The following SYNE1 variants were observed in gnomAD, a reference collection of about 807,000 sequenced individuals.
SYNE1 encodes nesprin-1.
A neutral mutation model predicts 1,111.0 loss-of-function variants in SYNE1; 616 were observed. That is an observed-to-expected ratio of 0.55 (90% confidence interval 0.52 to 0.59). SYNE1 has a LOEUF of 0.59. Among genes scored for constraint, SYNE1 ranks in the 20% least tolerant of loss-of-function variants. The pLI, the probability that SYNE1 is intolerant of heterozygous loss-of-function variation, is 0.00. For synonymous variants in SYNE1, 3,855 were observed against 3,825.8 expected (o/e 1.01, Z -0.28); for missense variants, 10,006 against 10,417.0 (o/e 0.96, Z 1.72).
At position 152,453,343 on chromosome 6, in the gene SYNE1, G is replaced by C. The variant is rs117505149; in HGVS notation, c.3027+243C>G. 4.4e-3 allele frequency: 2,737 copies of C among 627,480 alleles called. 11 individuals are homozygous for C. The highest frequency in any genetic ancestry group is 6.5e-3 in the Non-Finnish European group (2,375 of 363,572). 38.9% of individuals were successfully genotyped at this position (627,480 alleles called of 1,614,324 possible). A position where few individuals can be genotyped will look rare whatever the true frequency, so the allele number is the denominator to read the frequency against. ...TGCACCCTGGATTAAAAAAAAATCA[G>C]GAAACCAAAAAGAATGCTCGAGTAA... On this transcript the variant is annotated intron_variant, in intron 25 of 145. Transcript: ENST00000367255.
chr6:152,267,709 C>T (rs549112159), intron 100 of SYNE1, among the ~76,000 whole-genome samples: 49 of 152,200 alleles, frequency 3.2e-4, no homozygotes, highest in Non-Finnish European at 6.2e-4. Flanking sequence ...TAAGCTCTTA[C>T]AGAGAGAATG....
In SYNE1 at chr6:152,233,929, A is replaced by G; in HGVS notation, c.20564T>C (p.Leu6855Pro). Residue 6855 changes from leucine to proline, a missense_variant, in exon 112 of 146, where the codon CTG becomes CCG. By Grantham distance (98) the Leu-to-Pro change is moderately conservative. Coordinates refer to ENST00000367255, the MANE Select transcript of SYNE1 (RefSeq NM_182961.4). ...TCCAGTACTCAGAACAGATGATTTC[A>G]GGGAAGATTGGGCATCCACTTCTTT... ...FSKEVDAQSS[L>P]KSSVLSTGNQ... The G allele has an allele frequency of 6.2e-7, 1 of 1,614,184 alleles. No homozygotes were observed. Among genetic ancestry groups the G allele is most frequent in the Non-Finnish European group, 8.5e-7 (1 of 1,180,022 alleles).
chr6:152,301,714 C>T (rs1407888208), intron 92 of SYNE1, among the ~76,000 whole-genome samples, 155 bp downstream of exon 92: 1 of 152,210 alleles, frequency 6.6e-6, no homozygotes, highest in East Asian at 1.9e-4. Context: ...TGGCCCGGCC[C>T]AACGGTAGTC....
Position 152,213,626 on chromosome 6 carries a change from G to A in SYNE1, c.22480C>T (p.Gln7494Ter). 1 of 1,614,010 alleles carries A rather than the reference G, an allele frequency of 6.2e-7. No homozygotes were observed. The highest frequency in any genetic ancestry group is 8.5e-7 in the Non-Finnish European group (1 of 1,179,966). Residue 7494 changes from glutamine (Q) to a stop codon, truncating the protein, a stop_gained, in exon 123 of 146, where the codon CAG (glutamine) becomes TAG (stop). Coordinates refer to ENST00000367255, the MANE Select transcript of SYNE1 (RefSeq NM_182961.4). LOFTEE classifies it high-confidence loss of function. ...ATACAACTTACCTCGTGTGCTCTCT[G>A]CTGTTCCAAAAGGTGCTGATAATTT... ...SGNYQHLLEQ[Q>*]RAHELFQAEM... is the part of the protein sequence containing the mutation.
intron 115 of SYNE1, among the ~76,000 whole-genome samples, chr6:152,227,239 T>C (rs2081799002): frequency 6.6e-6 from 1 of 152,194 alleles, no homozygotes; most frequent in Non-Finnish European, 1.5e-5. Context: ...ATTTTCTCCT[T>C]ACTCCAAGGA....
At chr6:152,613,974 C>T (rs1266331540) in intron 3 of SYNE1, among the ~76,000 whole-genome samples, 3 of 152,172 alleles carry the variant, frequency 2.0e-5, no homozygotes, top group Non-Finnish European at 2.9e-5. Context: ...ACACCTTATA[C>T]AAAAATTAAT....
chr6:152,340,131 T>A (rs780065313), intron 74 of SYNE1, among the ~76,000 whole-genome samples: 2 of 152,318 alleles, frequency 1.3e-5, no homozygotes, highest in African/African-American at 2.4e-5. Context: ...GAAGAAGGAC[T>A]GCCACTTCAG....
chr6:152,233,334 CTT>C (rs71017528), intron 112 of SYNE1, among the ~76,000 whole-genome samples: 9 of 147,584 alleles, frequency 6.1e-5, no homozygotes, highest in African/African-American at 1.7e-4. Context: ...GTAGTTCACT[CTT>C]TTTTTTTTTT....
At chr6:152,410,013 A>G (rs931696103) in intron 42 of SYNE1, among the ~76,000 whole-genome samples, 21 of 152,222 alleles carry the variant, frequency 1.4e-4, no homozygotes, top group African/African-American at 4.8e-4. Flanking sequence ...TCAAACTTAC[A>G]TAGATGAGTC....
In SYNE1 at chr6:152,455,556, T is replaced by A; in HGVS notation, c.2762A>T (p.His921Leu). 7.4e-6 allele frequency: 12 copies of A among 1,614,202 alleles called. No individual in the cohort carries two copies. The highest frequency in any genetic ancestry group is 1.0e-5 in the Non-Finnish European group (12 of 1,180,020). The change falls in exon 24 of 146, where the codon CAT (histidine) becomes CTT (leucine). Residue 921 changes from histidine to leucine, a missense_variant. Around this residue, in one of 7 missense-constraint regions of SYNE1, gnomAD observed 1,971 missense variants for 2,084.1 expected, o/e 0.95. Transcript: ENST00000367255. ...MVKKTGDWKK[H>L]VETNSRLMKK... is the part of the protein sequence containing the mutation. ...CATCAAGCGACTGTTGGTTTCCACA[T>A]GCTTCTTCCAATCTCCAGTTTTCTT...
At chr6:152,240,628 A>G (rs1479720155) in intron 107 of SYNE1, among the ~76,000 whole-genome samples, 1 of 152,236 alleles carries the variant, frequency 6.6e-6, no homozygotes, top group East Asian at 1.9e-4. Context: ...GACAGTTAAC[A>G]TTAATTATGT....
chr6:152,611,991 T>A (rs995854318), intron 3 of SYNE1, among the ~76,000 whole-genome samples: 1 of 151,664 alleles, frequency 6.6e-6, no homozygotes, highest in African/African-American at 2.4e-5. Context: ...GGGACACATT[T>A]AAAGCAGTGT....
At position 152,242,283 on chromosome 6, in the gene SYNE1, A is replaced by T; in HGVS notation, c.19850T>A (p.Val6617Glu). The change falls in exon 107 of 146, where the codon GTG becomes GAG. Residue 6617 changes from valine (V) to glutamate (E), a missense_variant. Physicochemically the swap from Val to Glu is moderately radical, Grantham distance 121. This residue lies in a region of SYNE1 where 2,182 missense variants were observed against 2,287.8 expected (regional missense o/e 0.95). Coordinates refer to ENST00000367255, the MANE Select transcript of SYNE1 (RefSeq NM_182961.4). ...TTGCTGGATTTCCTCTTTGGAAGAC[A>T]CGATGATTTTCTGGTCTCCTGCCAT... Reference protein sequence around the residue: ...EKMAGDQKIIVSSKEEIQQLL... With the variant: ...EKMAGDQKIIESSKEEIQQLL... The T allele has an allele frequency of 1.2e-6, 2 of 1,614,110 alleles. No individual in the cohort carries two copies. The highest frequency in any genetic ancestry group is 1.7e-6 in the Non-Finnish European group (2 of 1,180,014).
At chr6:152,224,105 C>A (rs1465252646) in intron 117 of SYNE1, among the ~76,000 whole-genome samples, 2 of 152,148 alleles carry the variant, frequency 1.3e-5, no homozygotes, top group Non-Finnish European at 2.9e-5. Flanking sequence ...ACCACTTTTG[C>A]CGTTTTTCTC....
Position 152,310,526 on chromosome 6 carries a change from G to T in SYNE1, c.16897-8C>A. The T allele has an allele frequency of 6.2e-7, 1 of 1,613,908 alleles. No individual in the cohort carries two copies. Among genetic ancestry groups the T allele is most frequent in the African/African-American group, 1.3e-5 (1 of 75,026 alleles). On this transcript the variant is annotated splice_polypyrimidine_tract_variant and splice_region_variant and intron_variant, in intron 88 of 145. Coordinates refer to ENST00000367255, the MANE Select transcript of SYNE1 (RefSeq NM_182961.4). ...TTCAAATTTTTTCATATCCTAGAGA[G>T]TCAATATCAATGTATTGTACTTGAA...
chr6:152,499,161 C>T (rs1594065554), intron 10 of SYNE1, among the ~76,000 whole-genome samples: 1 of 151,998 alleles, frequency 6.6e-6, no homozygotes, highest in Non-Finnish European at 1.5e-5. Flanking sequence ...TTTCTTTGTC[C>T]TCATAAGAAT....
chr6:152,333,679 C>T (rs907312553), intron 77 of SYNE1, among the ~76,000 whole-genome samples: 1 of 152,106 alleles, frequency 6.6e-6, no homozygotes, highest in Non-Finnish European at 1.5e-5. Flanking sequence ...GTCACCCAGG[C>T]TGGAGTACAG....
chr6:152,465,340 C>T lies in SYNE1; in HGVS notation c.1850G>A (p.Arg617His), dbSNP rs1041006707. The T allele has an allele frequency of 2.5e-6, 4 of 1,613,816 alleles. No homozygotes were observed. Among genetic ancestry groups the T allele is most frequent in the South Asian group, 2.2e-5 (2 of 91,072 alleles). The change falls in exon 18 of 146, where the codon CGC (arginine) becomes CAC (histidine). Residue 617 changes from arginine (R) to histidine (H), a missense_variant. By Grantham distance (29) the Arg-to-His change is conservative. Around this residue, in one of 7 missense-constraint regions of SYNE1, gnomAD observed 1,971 missense variants for 2,084.1 expected, o/e 0.95. Coordinates refer to ENST00000367255, the MANE Select transcript of SYNE1 (RefSeq NM_182961.4). ...MLEEVISNWDRYGNTVASLQA... is the reference protein window; with the variant it reads ...MLEEVISNWDHYGNTVASLQA... ...CAGACTAGCCACTGTATTGCCATAG[C>T]GATCCCAGTTAGAGATCACTTCTTC...
chr6:152,143,805 T>C (rs1308453537), intron 137 of SYNE1, 40 bp from the exon 138 acceptor site: 1 of 1,613,890 alleles, frequency 6.2e-7, no homozygotes. Context: ...GGACAAACTA[T>C]TTGACTTATT....
Sources: gnomAD v4.1 joint callset for allele counts (sites outside exome capture counted in the v4.1 genomes callset) on GRCh38, gnomAD v4.1.1 for gene constraint, gnomAD v4.1.1 regional missense constraint, MANE v1.5 for transcripts, NCBI Gene and HGNC (gene_info 2026-07-23, HGNC 2026-07-21) for gene names.